Variants in TTC12 observed in about 807,000 individuals in gnomAD.
The protein encoded by TTC12 is tetratricopeptide repeat protein 12.
Under a neutral mutation model 90.1 loss-of-function variants are expected in TTC12, and 70 were observed. The observed-to-expected ratio is 0.78, with a 90% CI of 0.64 to 0.95. TTC12 has a LOEUF of 0.95. TTC12 is among the 40% of genes least tolerant of loss of function. TTC12 has a pLI of 0.00. For missense variants in TTC12, 819 were observed against 846.1 expected (o/e 0.97, Z 0.40); for synonymous variants, 296 against 311.5 (o/e 0.95, Z 0.53).
At chr11:113,325,021 G>C (rs1256852444) in intron 5 of TTC12, among the ~76,000 whole-genome samples, 1 of 152,114 alleles carries the variant, frequency 6.6e-6, no homozygotes, top group Admixed American at 6.5e-5. Flanking sequence ...CATAGATGAA[G>C]AAGTGGAAAA....
In TTC12 at chr11:113,357,626, G is replaced by A. The variant is rs80015331; in HGVS notation, c.1447-1737G>A. On this transcript the variant is annotated intron_variant, in intron 16 of 21. Transcript: ENST00000529221. Reference sequence around the variant, plus strand: ...TTTTTTTTCTTTTATCTTATTTGACGACCTTGAGGGTTTTATTGTGGTATA... The same window carrying A: ...TTTTTTTTCTTTTATCTTATTTGACAACCTTGAGGGTTTTATTGTGGTATA... Among the ~76,000 whole-genome samples, 1,508 of 152,102 alleles carry A rather than the reference G, an allele frequency of 9.9e-3. 27 individuals are homozygous for A. The highest frequency in any genetic ancestry group is 0.035 in the African/African-American group (1,436 of 41,466).
intron 19 of TTC12, among the ~76,000 whole-genome samples, chr11:113,363,297 A>T (rs1188639878): frequency 6.6e-6 from 1 of 152,242 alleles, no homozygotes; most frequent in Non-Finnish European, 1.5e-5. Context: ...TCCTGATGGC[A>T]TGCATACCCA....
chr11:113,330,613 C>T (rs1226254005), intron 7 of TTC12, among the ~76,000 whole-genome samples: 6 of 152,076 alleles, frequency 3.9e-5, no homozygotes, highest in African/African-American at 1.2e-4. Context: ...ATTTAAGTAA[C>T]CCTTAATCCA....
At chr11:113,364,760 C>T (rs1347782256) in intron 20 of TTC12, 75 bp from the exon 21 acceptor site, 1 of 1,215,420 alleles carries the variant, frequency 8.2e-7, no homozygotes, top group African/African-American at 1.5e-5. Flanking sequence ...TCTCCCTGCA[C>T]CCCTCATGTC....
At chr11:113,330,171 A>G (rs1947960509) in intron 7 of TTC12, among the ~76,000 whole-genome samples, 192 bp downstream of exon 7, 1 of 152,218 alleles carries the variant, frequency 6.6e-6, no homozygotes, top group African/African-American at 2.4e-5. Context: ...GTTCCTAGAA[A>G]GCAATCCAGG....
intron 12 of TTC12, among the ~76,000 whole-genome samples, chr11:113,343,188 G>C (rs909385071): frequency 2.0e-5 from 3 of 152,104 alleles, no homozygotes; most frequent in Non-Finnish European, 4.4e-5. Context: ...TTACAGGGTA[G>C]GATGTATAAT....
intron 11 of TTC12, 170 bp from the exon 12 acceptor site, chr11:113,341,667 T>C: frequency 1.6e-6 from 1 of 618,612 alleles, no homozygotes; most frequent in South Asian, 1.8e-5. Flanking sequence ...ATCCGTGGCC[T>C]GGGACTCATG....
chr11:113,333,986 C>T (rs1445922632), intron 7 of TTC12, among the ~76,000 whole-genome samples: 2 of 152,152 alleles, frequency 1.3e-5, no homozygotes, highest in East Asian at 1.9e-4. Flanking sequence ...TTCTTTCTCA[C>T]AACAACCTGA....
chr11:113,320,995 T>C (rs1947288393), intron 2 of TTC12, among the ~76,000 whole-genome samples: 1 of 151,616 alleles, frequency 6.6e-6, no homozygotes, highest in African/African-American at 2.4e-5. Flanking sequence ...CTGGACAACA[T>C]AGCAAGACCA....
intron 4 of TTC12, 120 bp downstream of exon 4, chr11:113,324,135 A>T: frequency 1.3e-6 from 1 of 758,774 alleles, no homozygotes; most frequent in Non-Finnish European, 2.2e-6. Context: ...GTGAACAAAA[A>T]CCTACTGATC....
At chr11:113,324,873 A>C (rs948178) in intron 5 of TTC12, among the ~76,000 whole-genome samples, 191 bp downstream of exon 5, 1 of 151,924 alleles carries the variant, frequency 6.6e-6, no homozygotes, top group Admixed American at 6.6e-5. Flanking sequence ...CAACAAGCAG[A>C]GGGTAGGATA....
At chr11:113,366,427 C>G (rs7110086), downstream of TTC12, 960 of 1,506,848 alleles carry the variant, frequency 6.4e-4, 6 homozygotes, top group African/African-American at 0.011. Flanking sequence ...GTTTGCATTT[C>G]AGGTTTTCAC....
Position 113,344,455 on chromosome 11 carries a change from G to A in TTC12, c.1154+15G>A. On this transcript the variant is annotated intron_variant, in intron 13 of 21. Transcript: ENST00000529221. The stretch of plus-strand genomic sequence containing the variant: ...GACCTGACCAGGTAAGCCTCTGCTG[G>A]CAGGATCTTCCTGGGACATCTCATG... The A allele has an allele frequency of 6.2e-7, 1 of 1,607,704 alleles. No individual in the cohort carries two copies. Among genetic ancestry groups the A allele is most frequent in the Non-Finnish European group, 8.5e-7 (1 of 1,175,834 alleles).
intron 11 of TTC12, among the ~76,000 whole-genome samples, 184 bp downstream of exon 11, chr11:113,340,917 A>G (rs1452146805): frequency 4.6e-5 from 7 of 152,188 alleles, no homozygotes; most frequent in African/African-American, 9.7e-5. Flanking sequence ...TTCCCTCAAG[A>G]CATTGGAGTT....
downstream of TTC12, among the ~76,000 whole-genome samples, chr11:113,370,942 C>T (rs528260381): frequency 6.6e-6 from 1 of 152,256 alleles, no homozygotes; most frequent in South Asian, 2.1e-4. Flanking sequence ...CAACTCCCCT[C>T]GGGCAACAAG....
At chr11:113,355,419 G>T (rs1353707083) in intron 16 of TTC12, among the ~76,000 whole-genome samples, 1 of 151,884 alleles carries the variant, frequency 6.6e-6, no homozygotes, top group Non-Finnish European at 1.5e-5. Context: ...AGGATTTATT[G>T]ATCTTTTGAA....
chr11:113,350,200 C>T, intron 14 of TTC12, 35 bp downstream of exon 14: 2 of 1,464,792 alleles, frequency 1.4e-6, no homozygotes, highest in South Asian at 1.1e-5. Flanking sequence ...GACATTTCTT[C>T]TTCAGTCTTT....
intron 13 of TTC12, among the ~76,000 whole-genome samples, chr11:113,349,123 G>T (rs374967182): frequency 1.7e-4 from 26 of 152,298 alleles, no homozygotes; most frequent in Admixed American, 4.6e-4. Context: ...ATTGTGATTG[G>T]TCAAATGGAT....
downstream of TTC12, among the ~76,000 whole-genome samples, chr11:113,367,496 C>T (rs542781694): frequency 2.6e-5 from 4 of 152,278 alleles, no homozygotes; most frequent in East Asian, 7.7e-4. Context: ...TCAACTATGA[C>T]GTCATTTGGG....
Sources: gnomAD v4.1 joint callset for allele counts (sites outside exome capture counted in the v4.1 genomes callset) on GRCh38, gnomAD v4.1.1 for gene constraint, MANE v1.5 for transcripts, NCBI Gene and HGNC (gene_info 2026-07-23, HGNC 2026-07-21) for gene names.